VPS13C: variants seen among roughly 807,000 people sequenced by gnomAD.
The protein encoded by VPS13C is intermembrane lipid transfer protein VPS13C.
A neutral mutation model predicts 456.8 loss-of-function variants in VPS13C; 358 were observed. The observed-to-expected ratio is 0.78, with a 90% CI of 0.72 to 0.86. The LOEUF is 0.86. Ranked by LOEUF, VPS13C falls within the 40% of genes least tolerant of loss-of-function variation. VPS13C has a pLI of 0.00. For missense variants in VPS13C, 4,818 were observed against 4,385.4 expected (o/e 1.10, Z -2.79); for synonymous variants, 1,578 against 1,486.7 (o/e 1.06, Z -1.41).
intron 3 of VPS13C, among the ~76,000 whole-genome samples, chr15:62,039,687 T>C (rs1305557421): frequency 6.6e-6 from 1 of 152,168 alleles, no homozygotes; most frequent in Non-Finnish European, 1.5e-5. Flanking sequence ...AAATGGCTTT[T>C]ATCCAAAAGA....
At chr15:61,979,537 A>G (rs1420691055) in intron 22 of VPS13C, among the ~76,000 whole-genome samples, 2 of 152,242 alleles carry the variant, frequency 1.3e-5, no homozygotes, top group African/African-American at 4.8e-5. Context: ...CAAAGAAATT[A>G]GCAGTTTACA....
At chr15:61,865,543 T>TA in intron 81 of VPS13C, 1 of 905,170 alleles carries the variant, frequency 1.1e-6, no homozygotes, top group Non-Finnish European at 1.3e-6. Context: ...TATGTATATA[T>TA]GTATGTGTAA....
chr15:61,989,746 T>C (rs2046166441), intron 18 of VPS13C, among the ~76,000 whole-genome samples: 1 of 152,218 alleles, frequency 6.6e-6, no homozygotes, highest in African/African-American at 2.4e-5. Context: ...CTACTACTAT[T>C]CATCCCCATT....
In VPS13C at chr15:61,935,792, A is replaced by G. The variant is rs117585349; in HGVS notation, c.5755+805T>C. 4 of 152,302 alleles carry G rather than the reference A, an allele frequency of 2.6e-5. No individual in the cohort carries two copies. In the East Asian group the frequency reaches 7.7e-4, roughly 29 times the overall value. 9.4% of individuals were successfully genotyped at this position (152,302 alleles called of 1,614,324 possible). ...ATTTCAAAACACACCTAGCCTAACT[A>G]TAGGAGAAGCAGTGTTGATATGGTA... On this transcript the variant is annotated intron_variant, in intron 48 of 84. Transcript: ENST00000644861.
At chr15:61,925,339 T>C in intron 53 of VPS13C, 117 bp downstream of exon 53, 1 of 481,658 alleles carries the variant, frequency 2.1e-6, no homozygotes, top group Non-Finnish European at 3.6e-6. Flanking sequence ...ACTGAATATG[T>C]GACTAGCATA....
chr15:62,014,234 T>A (rs1036793237), intron 9 of VPS13C, among the ~76,000 whole-genome samples: 2 of 152,082 alleles, frequency 1.3e-5, no homozygotes, highest in Non-Finnish European at 2.9e-5. Flanking sequence ...GGTTAATATG[T>A]ATTTGAACTG....
At chr15:61,896,678 G>A (rs1170300579) in intron 66 of VPS13C, among the ~76,000 whole-genome samples, 1 of 152,226 alleles carries the variant, frequency 6.6e-6, no homozygotes, top group Non-Finnish European at 1.5e-5. Flanking sequence ...CTGGGGGAGG[G>A]GTGCCCGCCA....
intron 67 of VPS13C, 149 bp downstream of exon 67, chr15:61,890,016 C>T: frequency 1.4e-6 from 1 of 694,730 alleles, no homozygotes; most frequent in Admixed American, 2.9e-5. Context: ...TTTCAACTAA[C>T]AGTTCAAAGA....
At chr15:62,029,919 G>A (rs1199815870) in intron 5 of VPS13C, among the ~76,000 whole-genome samples, 1 of 152,094 alleles carries the variant, frequency 6.6e-6, no homozygotes, top group East Asian at 1.9e-4. Context: ...GCTTCTAGAT[G>A]TGTTCTAGGA....
At chr15:61,869,413 G>A (rs1894848182) in intron 80 of VPS13C, 87 bp downstream of exon 80, 2 of 1,422,896 alleles carry the variant, frequency 1.4e-6, no homozygotes, top group Admixed American at 3.9e-5. Flanking sequence ...ATCCTTAGGA[G>A]CAGGCAAATA....
intron 66 of VPS13C, among the ~76,000 whole-genome samples, chr15:61,904,609 A>G (rs2140126473): frequency 6.6e-6 from 1 of 152,200 alleles, no homozygotes; most frequent in African/African-American, 2.4e-5. Flanking sequence ...AAAACTAAAA[A>G]CAGAACTATA....
chr15:61,864,980 C>CT (rs1326187384), intron 81 of VPS13C: 1 of 983,990 alleles, frequency 1.0e-6, no homozygotes, highest in African/African-American at 1.8e-5. Flanking sequence ...GGCTATTGTG[C>CT]TTCAAGCCAT....
At chr15:61,872,749 T>C (rs1895129913) in intron 78 of VPS13C, among the ~76,000 whole-genome samples, 1 of 152,112 alleles carries the variant, frequency 6.6e-6, no homozygotes, top group Non-Finnish European at 1.5e-5. Flanking sequence ...ATGTTTTATT[T>C]ACTTATTAAC....
At chr15:61,916,159 AT>A in intron 60 of VPS13C, 137 bp from the exon 61 acceptor site, 1 of 1,023,868 alleles carries the variant, frequency 9.8e-7, no homozygotes, top group Non-Finnish European at 1.4e-6. Flanking sequence ...ATGCTTACAT[AT>A]TACAAATGTC....
Position 61,907,322 on chromosome 15 carries a change from C to A in VPS13C, c.9047G>T (p.Gly3016Val), listed in dbSNP as rs1177406354. 1.9e-6 allele frequency: 3 copies of A among 1,613,902 alleles called. No individual in the cohort carries two copies. The highest frequency in any genetic ancestry group is 1.7e-5 in the Admixed American group (1 of 59,990). Residue 3016 changes from glycine (G) to valine (V), a missense_variant, in exon 66 of 85, where the codon GGT (glycine) becomes GTT (valine). Gly to Val is a moderately radical substitution (Grantham distance 109). Around this residue, in one of 3 missense-constraint regions of VPS13C, gnomAD observed 4,552 missense variants for 4,130.6 expected, o/e 1.10. Transcript: ENST00000644861. ...ARLFAWADPT[G>V]TRKLTWTYAA... is the part of the protein sequence containing the mutation. Reference sequence around the variant, plus strand: ...ATATGTCCATGTAAGTTTTCTGGTACCAGTAGGATCTGCCCAGGCAAAAAG... The same window carrying A: ...ATATGTCCATGTAAGTTTTCTGGTAACAGTAGGATCTGCCCAGGCAAAAAG...
chr15:61,873,953 ATG>A (rs974419344), intron 77 of VPS13C, among the ~76,000 whole-genome samples: 1 of 123,420 alleles, frequency 8.1e-6, no homozygotes, highest in Non-Finnish European at 1.8e-5. Flanking sequence ...GATAAAGAAA[ATG>A]TGATACACAC....
At position 61,945,705 on chromosome 15, in the gene VPS13C, A is replaced by T. The variant is rs199577159; in HGVS notation, c.5148+10T>A. 3.0e-4 allele frequency: 476 copies of T among 1,571,092 alleles called. No homozygotes were observed. Among genetic ancestry groups the T allele is most frequent in the Non-Finnish European group, 3.9e-4 (457 of 1,163,406 alleles). On this transcript the variant is annotated intron_variant, in intron 45 of 84. Transcript: ENST00000644861. ...CTCAGTGAGGAATAAATATATTTTT[A>T]AAAACTTACCAAAAGAGACATGAAG...
intron 39 of VPS13C, 43 bp downstream of exon 39, chr15:61,951,781 T>A: frequency 1.9e-6 from 3 of 1,560,786 alleles, no homozygotes; most frequent in Non-Finnish European, 2.6e-6. Context: ...GTAGGGATCA[T>A]CTGCCTAATG....
chr15:61,922,178 T>A, intron 54 of VPS13C, 145 bp from the exon 55 acceptor site: 1 of 1,038,768 alleles, frequency 9.6e-7, no homozygotes, highest in Non-Finnish European at 1.4e-6. Context: ...GAGTGTATTT[T>A]CCTTTACTCT....
Sources: allele counts gnomAD v4.1 joint callset (sites outside exome capture counted in the v4.1 genomes callset), GRCh38; gene constraint gnomAD v4.1.1; regional missense constraint gnomAD v4.1.1; transcripts MANE v1.5; gene names NCBI Gene and HGNC (gene_info 2026-07-23, HGNC 2026-07-21).